UNC5C: variants seen among roughly 807,000 people sequenced by gnomAD.
UNC5C encodes netrin receptor UNC5C.
Under a neutral mutation model 99.8 loss-of-function variants are expected in UNC5C, and 47 were observed. The observed-to-expected ratio is 0.47, with a 90% confidence interval of 0.37 to 0.60. The LOEUF is 0.60. UNC5C is among the 20% of genes least tolerant of loss of function. UNC5C has a pLI of 0.00. For missense variants in UNC5C, 1,062 were observed against 1,165.9 expected (o/e 0.91, Z 1.30); for synonymous variants, 487 against 452.2 (o/e 1.08, Z -0.98).
chr4:95,479,889 C>T (rs1721083561), intron 1 of UNC5C, among the ~76,000 whole-genome samples: 1 of 151,820 alleles, frequency 6.6e-6, no homozygotes, highest in Admixed American at 6.6e-5. Flanking sequence ...TTGTCTTTTC[C>T]ATAGAGAACG....
intron 1 of UNC5C, among the ~76,000 whole-genome samples, chr4:95,533,691 G>A (rs1385202579): frequency 6.6e-6 from 1 of 151,938 alleles, no homozygotes; most frequent in Admixed American, 6.6e-5. Flanking sequence ...AATAAGCATC[G>A]TTCTTGTTAG....
At chr4:95,537,293 T>C (rs1222399302) in intron 1 of UNC5C, among the ~76,000 whole-genome samples, 1 of 152,190 alleles carries the variant, frequency 6.6e-6, no homozygotes, top group Non-Finnish European at 1.5e-5. Flanking sequence ...CCACAAGCTA[T>C]TGGGGTCATA....
At position 95,428,079 on chromosome 4, in the gene UNC5C, T is replaced by A. The variant is rs1746533558; in HGVS notation, c.125-92448A>T. Among the ~76,000 whole-genome samples the A allele has an allele frequency of 2.0e-5, 3 of 152,010 alleles. No individual in the cohort carries two copies. In the South Asian group the frequency reaches 6.2e-4, roughly 31 times the overall value. On this transcript the variant is annotated intron_variant, in intron 1 of 15. Transcript: ENST00000453304. Reference sequence around the variant, plus strand: ...CTTTAAAGGGCTTAGGGTTTTGTTTTTTTTTTTTCCAGAGTTTTCAGTCTC... The same window carrying A: ...CTTTAAAGGGCTTAGGGTTTTGTTTATTTTTTTTCCAGAGTTTTCAGTCTC...
chr4:95,366,124 G>A (rs568355310), intron 1 of UNC5C, among the ~76,000 whole-genome samples: 1 of 152,208 alleles, frequency 6.6e-6, no homozygotes, highest in Admixed American at 6.5e-5. Flanking sequence ...ATTTTATGAT[G>A]TTTTAGGAAG....
chr4:95,533,830 A>C (rs950232428), intron 1 of UNC5C, among the ~76,000 whole-genome samples: 1 of 152,218 alleles, frequency 6.6e-6, no homozygotes, highest in Non-Finnish European at 1.5e-5. Context: ...AGCCTGAAAG[A>C]AGGGATTCTA....
intron 1 of UNC5C, among the ~76,000 whole-genome samples, chr4:95,519,547 A>C (rs1189951516): frequency 6.6e-6 from 1 of 152,132 alleles, no homozygotes; most frequent in Non-Finnish European, 1.5e-5. Context: ...AAAAAAAAAA[A>C]ACAAACTTTT....
At chr4:95,182,807 G>C in intron 14 of UNC5C, 90 bp downstream of exon 14, 1 of 1,411,456 alleles carries the variant, frequency 7.1e-7, no homozygotes, top group East Asian at 2.3e-5. Flanking sequence ...TTCCCATATG[G>C]ACTATGTTGA....
chr4:95,207,770 C>T (rs763836951), intron 10 of UNC5C, among the ~76,000 whole-genome samples: 6 of 152,140 alleles, frequency 3.9e-5, no homozygotes, highest in Non-Finnish European at 5.9e-5. Context: ...ACATGGCTGA[C>T]GTATAGTTAG....
chr4:95,390,600 C>A, intron 1 of UNC5C, among the ~76,000 whole-genome samples: 1 of 152,172 alleles, frequency 6.6e-6, no homozygotes, highest in East Asian at 1.9e-4. Context: ...GTCAGAGAGG[C>A]TTGGGGTCTC....
chr4:95,532,701 T>C (rs1206641859), intron 1 of UNC5C, among the ~76,000 whole-genome samples: 1 of 152,114 alleles, frequency 6.6e-6, no homozygotes. Flanking sequence ...CGAAAGCTGA[T>C]AGTAAGTGAG....
At chr4:95,376,789 A>T (rs1744909021) in intron 1 of UNC5C, among the ~76,000 whole-genome samples, 1 of 152,230 alleles carries the variant, frequency 6.6e-6, no homozygotes, top group Non-Finnish European at 1.5e-5. Context: ...CTCTACATCC[A>T]TCCAATATTT....
chr4:95,211,150 G>A (rs546507637), intron 10 of UNC5C, among the ~76,000 whole-genome samples: 14 of 152,330 alleles, frequency 9.2e-5, no homozygotes, highest in South Asian at 8.3e-4. Context: ...TGTGGGAACA[G>A]GAGATGCCTT....
chr4:95,313,236 A>C (rs1421069475), intron 2 of UNC5C, among the ~76,000 whole-genome samples: 2 of 152,130 alleles, frequency 1.3e-5, no homozygotes, highest in Non-Finnish European at 2.9e-5. Context: ...AATTAGATAG[A>C]AGAGAAGATT....
chr4:95,188,965 G>C (rs571045186), intron 12 of UNC5C, among the ~76,000 whole-genome samples: 2 of 152,258 alleles, frequency 1.3e-5, no homozygotes, highest in Non-Finnish European at 2.9e-5. Flanking sequence ...GGCTGCTCTT[G>C]AATCACAAAG....
chr4:95,494,873 A>G (rs1258669143), intron 1 of UNC5C, among the ~76,000 whole-genome samples: 5 of 151,558 alleles, frequency 3.3e-5, no homozygotes, highest in Middle Eastern at 3.4e-3. Flanking sequence ...AATTGAAAAC[A>G]TTAATTGGGG....
chr4:95,317,731 A>C (rs1742531170), intron 2 of UNC5C, among the ~76,000 whole-genome samples: 1 of 152,126 alleles, frequency 6.6e-6, no homozygotes. Flanking sequence ...GGTAAAGAAC[A>C]CTAGGGAATG....
chr4:95,531,073 G>A (rs1175745385), intron 1 of UNC5C, among the ~76,000 whole-genome samples: 1 of 152,100 alleles, frequency 6.6e-6, no homozygotes, highest in Non-Finnish European at 1.5e-5. Context: ...CCTTGTTTTA[G>A]ACTTCATAAT....
intron 1 of UNC5C, among the ~76,000 whole-genome samples, chr4:95,449,448 C>T (rs528848062): frequency 7.4e-4 from 112 of 152,238 alleles, no homozygotes; most frequent in Non-Finnish European, 1.4e-3. Flanking sequence ...TATTGACTTC[C>T]TGTAAGGTGT....
chr4:95,502,177 T>C (rs964636710), intron 1 of UNC5C, among the ~76,000 whole-genome samples: 4 of 152,184 alleles, frequency 2.6e-5, no homozygotes, highest in Admixed American at 1.3e-4. Context: ...TCCAGTGTGA[T>C]TGGTTGCAAC....
Sources: gnomAD v4.1 joint callset for allele counts (sites outside exome capture counted in the v4.1 genomes callset) on GRCh38, gnomAD v4.1.1 for gene constraint, MANE v1.5 for transcripts, NCBI Gene and HGNC (gene_info 2026-07-23, HGNC 2026-07-21) for gene names.